ABCA13: variants seen among roughly 807,000 people sequenced by gnomAD.
The protein encoded by ABCA13 is ATP-binding cassette sub-family A member 13.
ABCA13 carries 476 observed loss-of-function variants against 478.7 expected under a neutral mutation model. The observed-to-expected ratio is 0.99, with a 90% CI of 0.92 to 1.07. The LOEUF (loss-of-function observed/expected upper bound fraction) is 1.07. Among genes scored for constraint, ABCA13 ranks in the 50% least tolerant of loss-of-function variants. ABCA13 has a pLI of 0.00. For synonymous variants in ABCA13, 2,252 were observed against 2,158.9 expected, an observed-to-expected ratio of 1.04 and a Z score of -1.20; for missense variants, 6,060 against 5,910.6, an observed-to-expected ratio of 1.03 and a Z score of -0.83.
At chr7:48,571,183 A>G (rs1054885146) in intron 55 of ABCA13, among the ~76,000 whole-genome samples, 29 of 152,170 alleles carry the variant, frequency 1.9e-4, no homozygotes, top group Admixed American at 1.3e-4. Flanking sequence ...TATTATGGAA[A>G]TGCATTTAAC....
intron 51 of ABCA13, 71 bp from the exon 52 acceptor site, chr7:48,516,653 TG>T (rs1563381077): frequency 1.4e-5 from 20 of 1,477,822 alleles, no homozygotes; most frequent in Non-Finnish European, 1.9e-5. Flanking sequence ...GGTCTTAGAA[TG>T]TATCTGCCAT....
intron 48 of ABCA13, among the ~76,000 whole-genome samples, chr7:48,498,241 G>T (rs1830446494): frequency 1.3e-5 from 2 of 152,190 alleles, no homozygotes; most frequent in Non-Finnish European, 2.9e-5. Context: ...TGTTTGCCTA[G>T]AGTAAGGCAG....
Position 48,271,825 on chromosome 7 carries a change from A to C in ABCA13, c.2159A>C (p.Lys720Thr). Residue 720 changes from lysine to threonine, a missense_variant, in exon 17 of 62, where the codon AAG becomes ACG. Lys to Thr is a moderately conservative substitution (Grantham distance 78). This residue lies in a region of ABCA13 where 4,423 missense variants were observed against 4,309.1 expected (regional missense o/e 1.03). Transcript: ENST00000435803. The part of the protein sequence containing the change: ...NFTKHLLMME[K>T]KLHTLEDEQM... ...ACAAAGCACCTTCTAATGATGGAAA[A>C]GAAGTTGCACACCCTTGAGGATGAA... is the stretch of plus-strand genomic sequence containing the variant. 6.4e-7 allele frequency: 1 copy of C among 1,551,934 alleles called. No homozygotes were observed. The highest frequency in any genetic ancestry group is 8.7e-7 in the Non-Finnish European group (1 of 1,147,796).
chr7:48,186,971 G>A (rs907465277), intron 1 of ABCA13, among the ~76,000 whole-genome samples: 22 of 150,398 alleles, frequency 1.5e-4, no homozygotes, highest in African/African-American at 4.1e-4. Flanking sequence ...TTTCATTATT[G>A]AGAATATGTA....
intron 31 of ABCA13, among the ~76,000 whole-genome samples, chr7:48,364,214 C>T (rs562217755): frequency 5.3e-4 from 81 of 152,230 alleles, no homozygotes; most frequent in African/African-American, 1.9e-3. Flanking sequence ...ACATAGCCTC[C>T]GTCTTCTGTT....
chr7:48,562,178 T>C (rs1380334136), intron 55 of ABCA13, among the ~76,000 whole-genome samples: 20 of 152,044 alleles, frequency 1.3e-4, no homozygotes, highest in Non-Finnish European at 1.8e-4. Context: ...TTTGAATCCT[T>C]ATTATGATCT....
At chr7:48,636,670 A>T (rs1794662515) in intron 59 of ABCA13, among the ~76,000 whole-genome samples, 1 of 152,160 alleles carries the variant, frequency 6.6e-6, no homozygotes, top group Non-Finnish European at 1.5e-5. Context: ...AATTCCATGA[A>T]TTTAGTAATT....
chr7:48,567,180 G>A (rs1787152551), intron 55 of ABCA13, among the ~76,000 whole-genome samples: 1 of 152,094 alleles, frequency 6.6e-6, no homozygotes, highest in Non-Finnish European at 1.5e-5. Flanking sequence ...TAAAAATTAG[G>A]CAGCTGTCAT....
chr7:48,189,994 A>C (rs1409460112), intron 1 of ABCA13, among the ~76,000 whole-genome samples: 1 of 152,210 alleles, frequency 6.6e-6, no homozygotes, highest in Non-Finnish European at 1.5e-5. Context: ...AGGAATTATT[A>C]TATGCTTAAC....
chr7:48,365,021 C>T (rs1811457315), intron 31 of ABCA13, among the ~76,000 whole-genome samples: 2 of 152,126 alleles, frequency 1.3e-5, no homozygotes, highest in African/African-American at 2.4e-5. Context: ...ATTTACATTC[C>T]CACCTAACAG....
chr7:48,287,281 T>C (rs1366588097), intron 19 of ABCA13, among the ~76,000 whole-genome samples: 2 of 152,192 alleles, frequency 1.3e-5, no homozygotes, highest in Non-Finnish European at 2.9e-5. Context: ...TTTGCACAGA[T>C]TCCTGTAATG....
chr7:48,581,276 C>A (rs533671682), intron 56 of ABCA13, among the ~76,000 whole-genome samples: 1 of 152,250 alleles, frequency 6.6e-6, no homozygotes, highest in South Asian at 2.1e-4. Context: ...CATGAACGTT[C>A]ATTCTCTGTT....
At chr7:48,287,318 G>A (rs1797904577) in intron 19 of ABCA13, among the ~76,000 whole-genome samples, 1 of 152,178 alleles carries the variant, frequency 6.6e-6, no homozygotes, top group African/African-American at 2.4e-5. Context: ...GAAGAGCCTT[G>A]TGGATCAGAG....
At position 48,580,390 on chromosome 7, in the gene ABCA13, G is replaced by A; in HGVS notation, c.14505+16G>A. ...CATCCCTGAGGTAAATCTCCCTGGG[G>A]TCTTCTAGATAAAGGGACCCATTGA... On this transcript the variant is annotated intron_variant, in intron 56 of 61. Coordinates refer to ENST00000435803, the MANE Select transcript of ABCA13 (RefSeq NM_152701.5). 6.2e-7 allele frequency: 1 copy of A among 1,606,100 alleles called. No individual in the cohort carries two copies. Among genetic ancestry groups the A allele is most frequent in the South Asian group, 1.1e-5 (1 of 89,398 alleles).
At chr7:48,607,033 G>T (rs753693956) in intron 58 of ABCA13, among the ~76,000 whole-genome samples, 1 of 152,184 alleles carries the variant, frequency 6.6e-6, no homozygotes, top group Non-Finnish European at 1.5e-5. Flanking sequence ...TGAAGCCTCA[G>T]CAAGGACGGA....
chr7:48,644,508 G>T, intron 60 of ABCA13, 109 bp from the exon 61 acceptor site: 1 of 1,193,220 alleles, frequency 8.4e-7, no homozygotes, highest in Non-Finnish European at 1.2e-6. Context: ...ATTAAGTGTA[G>T]GTTGAGAAAA....
At position 48,410,517 on chromosome 7, in the gene ABCA13, C is replaced by A. The variant is rs1352448850; in HGVS notation, c.12071-3C>A. ...TGCTGATGCACCCTGTGCTTGGACC[C>A]AGGTCGTACGATCATCTTCACAACC... On this transcript the variant is annotated splice_region_variant and splice_polypyrimidine_tract_variant and intron_variant, in intron 39 of 61. Coordinates refer to ENST00000435803, the MANE Select transcript of ABCA13 (RefSeq NM_152701.5). The A allele has an allele frequency of 6.2e-7, 1 of 1,614,006 alleles. No individual in the cohort carries two copies. Among genetic ancestry groups the A allele is most frequent in the South Asian group, 1.1e-5 (1 of 91,090 alleles).
chr7:48,278,053 T>G (rs1291443436), intron 17 of ABCA13, 41 bp from the exon 18 acceptor site: 1 of 739,766 alleles, frequency 1.4e-6, no homozygotes, highest in African/African-American at 1.9e-5. Flanking sequence ...GTTAATGTAT[T>G]AAAAATTAAA....
chr7:48,609,524 G>A (rs1046895597), intron 58 of ABCA13, among the ~76,000 whole-genome samples: 1 of 151,926 alleles, frequency 6.6e-6, no homozygotes, highest in Admixed American at 6.6e-5. Flanking sequence ...GGGAATCTTG[G>A]TAAAGCATGG....
Sources: allele counts gnomAD v4.1 joint callset (sites outside exome capture counted in the v4.1 genomes callset), GRCh38; gene constraint gnomAD v4.1.1; regional missense constraint gnomAD v4.1.1; transcripts MANE v1.5; gene names NCBI Gene and HGNC (gene_info 2026-07-23, HGNC 2026-07-21).